Variants in SLC14A2 observed in about 807,000 individuals in gnomAD.
SLC14A2 encodes the protein urea transporter 2.
SLC14A2 carries 91 observed loss-of-function variants against 104.6 expected under a neutral mutation model. That is an observed-to-expected ratio of 0.87 (90% CI 0.73 to 1.04). SLC14A2 has a LOEUF of 1.04. Among genes scored for constraint, SLC14A2 ranks in the 50% least tolerant of loss-of-function variants. The pLI, the probability that SLC14A2 is intolerant of heterozygous loss-of-function variation, is 0.00. For synonymous variants in SLC14A2, 476 were observed against 466.4 expected (o/e 1.02, Z -0.27); for missense variants, 1,189 against 1,156.0 (o/e 1.03, Z -0.41).
chr18:45,471,651 T>C (rs541682593), intron 1 of SLC14A2, among the ~76,000 whole-genome samples: 2 of 152,266 alleles, frequency 1.3e-5, no homozygotes, highest in East Asian at 3.9e-4. Context: ...ATCCTGTTCT[T>C]AAGTCTGTTT....
the SLC14A2 span, among the ~76,000 whole-genome samples, chr18:45,182,729 T>C: frequency 6.6e-6 from 1 of 152,078 alleles, no homozygotes; most frequent in African/African-American, 2.4e-5. Context: ...GTATAAAATG[T>C]GCTATAGTTT....
rs370081138 is a variant in SLC14A2 at position 45,636,967 on chromosome 18, C to T, written c.651-23C>T. On this transcript the variant is annotated intron_variant, in intron 5 of 19. Coordinates refer to ENST00000255226, the MANE Select transcript of SLC14A2 (RefSeq NM_007163.4). ...GACCTCAGGATGTCACAGGGATTAA[C>T]CCTCTGTCTCTTGCATCTTCAGCCC... 65 of 1,599,174 alleles carry T rather than the reference C, an allele frequency of 4.1e-5. No homozygotes were observed. In the African/African-American group the frequency reaches 7.7e-4, roughly 19 times the overall value.
At chr18:45,681,383 T>A (rs1444529497) in intron 19 of SLC14A2, among the ~76,000 whole-genome samples, 2 of 152,204 alleles carry the variant, frequency 1.3e-5, no homozygotes, top group East Asian at 3.9e-4. Context: ...TTACTGCTTA[T>A]AATAAGATGA....
chr18:45,322,335 A>G (rs2085193432), intron 1 of SLC14A2, among the ~76,000 whole-genome samples: 1 of 152,226 alleles, frequency 6.6e-6, no homozygotes, highest in African/African-American at 2.4e-5. Context: ...TCTGTGACTC[A>G]GTGCATCAAT....
chr18:45,669,514 G>A lies in SLC14A2; in HGVS notation c.2229+16G>A. The A allele has an allele frequency of 6.2e-7, 1 of 1,607,064 alleles. No homozygotes were observed. The highest frequency in any genetic ancestry group is 8.5e-7 in the Non-Finnish European group (1 of 1,175,036). On this transcript the variant is annotated intron_variant, in intron 16 of 19. Transcript: ENST00000255226. ...AGTGCCCTTGGTACGTATCATGGAA[G>A]GAGGAAGGGCAGGTCTGTCCACACT...
chr18:45,413,109 T>A (rs2086232162), intron 1 of SLC14A2, among the ~76,000 whole-genome samples: 1 of 152,144 alleles, frequency 6.6e-6, no homozygotes, highest in Non-Finnish European at 1.5e-5. Context: ...CTAGGGTCCA[T>A]CCGAAAGAAG....
At chr18:45,334,983 A>G (rs998669844) in intron 1 of SLC14A2, among the ~76,000 whole-genome samples, 1 of 152,230 alleles carries the variant, frequency 6.6e-6, no homozygotes, top group African/African-American at 2.4e-5. Flanking sequence ...TTGGTGAATG[A>G]GTGTGCAGTT....
intron 1 of SLC14A2, among the ~76,000 whole-genome samples, chr18:45,409,766 G>C (rs2086194873): frequency 6.6e-6 from 1 of 152,144 alleles, no homozygotes; most frequent in African/African-American, 2.4e-5. Flanking sequence ...GTATATTCTA[G>C]AGCAACAGTC....
intron 2 of SLC14A2, among the ~76,000 whole-genome samples, chr18:45,567,729 AC>A (rs898920436): frequency 6.6e-6 from 1 of 151,922 alleles, no homozygotes; most frequent in African/African-American, 2.4e-5. Context: ...CTCGGCCTCT[AC>A]CTTTCCTGAT....
chr18:45,593,406 C>A (rs1240821247), intron 2 of SLC14A2, among the ~76,000 whole-genome samples: 3 of 151,902 alleles, frequency 2.0e-5, no homozygotes, highest in African/African-American at 4.8e-5. Flanking sequence ...TCCTACAAAC[C>A]CCCAAACAAT....
At chr18:45,478,491 T>G (rs1251784280) in intron 1 of SLC14A2, among the ~76,000 whole-genome samples, 1 of 152,234 alleles carries the variant, frequency 6.6e-6, no homozygotes, top group African/African-American at 2.4e-5. Flanking sequence ...AGCTTGATGG[T>G]AACACAATTT....
chr18:45,593,114 G>A (rs533116293), intron 2 of SLC14A2, among the ~76,000 whole-genome samples: 3 of 152,230 alleles, frequency 2.0e-5, no homozygotes, highest in East Asian at 3.9e-4. Context: ...TCAGGAGATC[G>A]AGACCATCCT....
intron 2 of SLC14A2, among the ~76,000 whole-genome samples, chr18:45,590,074 T>A (rs564418065): frequency 6.6e-6 from 1 of 152,182 alleles, no homozygotes; most frequent in Non-Finnish European, 1.5e-5. Context: ...TCAGAGCGCA[T>A]GAGACTCCAG....
intron 1 of SLC14A2, among the ~76,000 whole-genome samples, chr18:45,382,362 A>C (rs905041213): frequency 2.6e-5 from 4 of 152,204 alleles, no homozygotes; most frequent in African/African-American, 4.8e-5. Flanking sequence ...ACATGGCAGA[A>C]TCTATTGAGC....
At chr18:45,568,469 G>A (rs576100948) in intron 2 of SLC14A2, among the ~76,000 whole-genome samples, 1 of 152,386 alleles carries the variant, frequency 6.6e-6, no homozygotes, top group African/African-American at 2.4e-5. Flanking sequence ...GAGGCACATG[G>A]TAGGACTGTA....
intron 1 of SLC14A2, among the ~76,000 whole-genome samples, chr18:45,396,626 T>G (rs1464773027): frequency 1.4e-5 from 2 of 143,848 alleles, no homozygotes; most frequent in South Asian, 2.1e-4. Context: ...GGTTTTTTTT[T>G]GTTTTTGTTT....
At chr18:45,255,939 C>T (rs536754334) in intron 1 of SLC14A2, among the ~76,000 whole-genome samples, 2 of 152,228 alleles carry the variant, frequency 1.3e-5, no homozygotes, top group South Asian at 4.2e-4. Flanking sequence ...CGGATGTATG[C>T]TTTCTAGAGA....
chr18:45,361,402 C>T (rs1462877683), intron 1 of SLC14A2, among the ~76,000 whole-genome samples: 1 of 152,144 alleles, frequency 6.6e-6, no homozygotes, highest in Non-Finnish European at 1.5e-5. Flanking sequence ...ACATTAATCA[C>T]CACATTTTGG....
At chr18:45,497,644 A>G (rs1205439209) in intron 2 of SLC14A2, among the ~76,000 whole-genome samples, 1 of 152,214 alleles carries the variant, frequency 6.6e-6, no homozygotes, top group Non-Finnish European at 1.5e-5. Flanking sequence ...GCGGGCTGAC[A>G]ATGAGCACAT....
Sources: allele counts gnomAD v4.1 joint callset (sites outside exome capture counted in the v4.1 genomes callset), GRCh38; gene constraint gnomAD v4.1.1; transcripts MANE v1.5; gene names NCBI Gene and HGNC (gene_info 2026-07-23, HGNC 2026-07-21).